The following CPQ variants were observed in gnomAD, a reference collection of about 807,000 sequenced individuals.
CPQ encodes carboxypeptidase Q, also known as Ser-Met dipeptidase.
CPQ carries 37 observed loss-of-function variants against 45.7 expected under a neutral mutation model. That is an observed-to-expected ratio of 0.81 (90% CI 0.62 to 1.07). The LOEUF (loss-of-function observed/expected upper bound fraction) is 1.07. CPQ is among the 50% of genes least tolerant of loss of function. The pLI is 0.00. For missense variants in CPQ, 537 were observed against 572.9 expected, an observed-to-expected ratio of 0.94 and a Z score of 0.64; for synonymous variants, 186 against 205.8, an observed-to-expected ratio of 0.90 and a Z score of 0.82.
chr8:96,917,017 G>T (rs577590566), intron 4 of CPQ, among the ~76,000 whole-genome samples: 1 of 152,018 alleles, frequency 6.6e-6, no homozygotes, highest in Admixed American at 6.6e-5. Context: ...TGTTCATCAG[G>T]GTTCTCTTTC....
intron 4 of CPQ, among the ~76,000 whole-genome samples, chr8:96,904,475 C>T (rs1812551055): frequency 6.6e-6 from 1 of 152,162 alleles, no homozygotes; most frequent in African/African-American, 2.4e-5. Flanking sequence ...GATCTGGGAT[C>T]TGATTGCAGC....
chr8:96,873,377 G>C (rs887656179), intron 3 of CPQ, among the ~76,000 whole-genome samples: 1 of 150,896 alleles, frequency 6.6e-6, no homozygotes, highest in Non-Finnish European at 1.5e-5. Context: ...TGTGAATTAT[G>C]GTGTAAATGA....
intron 2 of CPQ, among the ~76,000 whole-genome samples, chr8:96,786,177 C>G (rs1373011124): frequency 1.3e-5 from 2 of 152,106 alleles, no homozygotes; most frequent in Non-Finnish European, 2.9e-5. Flanking sequence ...CTGTCATTCT[C>G]CAGTCTACCT....
rs186846467 is a variant in CPQ at position 96,998,794 on chromosome 8, G to A, written c.962-30609G>A. On this transcript the variant is annotated intron_variant, in intron 5 of 7. Coordinates refer to ENST00000220763, the MANE Select transcript of CPQ (RefSeq NM_016134.4). ...ATGTTGATTTAGTTATTTGCCTGCT[G>A]TAACTTCTCATGCAGTCATTGTACT... 6.6e-5 allele frequency among the ~76,000 whole-genome samples: 10 copies of A among 152,072 alleles called. No homozygotes were observed. The East Asian group carries it at 1.5e-3, about 23-fold the overall frequency.
At chr8:96,687,085 C>T (rs538003637) in intron 1 of CPQ, among the ~76,000 whole-genome samples, 5 of 152,066 alleles carry the variant, frequency 3.3e-5, no homozygotes, top group South Asian at 2.1e-4. Flanking sequence ...GGTTTTGTTT[C>T]GTGTTATTTC....
rs182128901 is a variant in CPQ at position 96,746,300 on chromosome 8, A to G, written c.-34-38564A>G. On this transcript the variant is annotated intron_variant, in intron 1 of 7. Transcript: ENST00000220763. ...TTAATATATTAAAACCCTTAATAAT[A>G]AATTCATAGCACTTAAAATACAAAT... Among the ~76,000 whole-genome samples, 393 of 152,354 alleles carry G rather than the reference A, an allele frequency of 2.6e-3. 2 individuals are homozygous for G. The highest frequency in any genetic ancestry group is 4.0e-3 in the Non-Finnish European group (271 of 68,042).
intron 1 of CPQ, among the ~76,000 whole-genome samples, chr8:96,763,990 ATACACT>A (rs1185188769): frequency 6.6e-6 from 1 of 152,206 alleles, no homozygotes; most frequent in African/African-American, 2.4e-5. Flanking sequence ...AAAGTTAAAC[ATACACT>A]TACATGGTCC....
chr8:97,128,037 C>T (rs577445803), intron 7 of CPQ, among the ~76,000 whole-genome samples: 47 of 152,298 alleles, frequency 3.1e-4, no homozygotes, highest in Admixed American at 1.2e-3. Context: ...TGTTCATTCG[C>T]CAAAACTTGT....
intron 4 of CPQ, among the ~76,000 whole-genome samples, chr8:96,890,095 C>T (rs554898909): frequency 3.9e-5 from 6 of 152,290 alleles, no homozygotes; most frequent in East Asian, 3.9e-4. Flanking sequence ...TAATATAATA[C>T]AGCTATCTCT....
intron 1 of CPQ, among the ~76,000 whole-genome samples, chr8:96,737,647 CAAATGTT>C (rs1192023819): frequency 6.6e-6 from 1 of 152,052 alleles, no homozygotes; most frequent in African/African-American, 2.4e-5. Flanking sequence ...CCCACTGACT[CAAATGTT>C]AATCACTTTT....
rs922605906 is a variant in CPQ, at chr8:97,139,168, A to C, written c.1256-3852A>C. 5.9e-5 allele frequency among the ~76,000 whole-genome samples: 9 copies of C among 152,164 alleles called. 1 individual carries two copies. The highest frequency in any genetic ancestry group is 2.2e-4 in the African/African-American group (9 of 41,456). ...AACTGGACTTCCAGAACAAAAAGCA[A>C]CATTACAGATGAGTTTTCAATTTAC... On this transcript the variant is annotated intron_variant, in intron 7 of 7. Coordinates refer to ENST00000220763, the MANE Select transcript of CPQ (RefSeq NM_016134.4).
At chr8:96,847,446 A>G (rs917077546) in intron 3 of CPQ, among the ~76,000 whole-genome samples, 1 of 152,246 alleles carries the variant, frequency 6.6e-6, no homozygotes, top group Non-Finnish European at 1.5e-5. Context: ...TGTATGTGAT[A>G]AAATTCATTA....
chr8:97,023,559 T>C (rs1809746688), intron 5 of CPQ, among the ~76,000 whole-genome samples: 1 of 152,224 alleles, frequency 6.6e-6, no homozygotes, highest in Non-Finnish European at 1.5e-5. Flanking sequence ...TTTATGCACT[T>C]GGAGTCATAA....
Position 96,753,621 on chromosome 8 carries a change from A to C in CPQ, c.-34-31243A>C, listed in dbSNP as rs886380028. On this transcript the variant is annotated intron_variant, in intron 1 of 7. Coordinates refer to ENST00000220763, the MANE Select transcript of CPQ (RefSeq NM_016134.4). ...TTTTCTAATTATTGTTAGTATATAG[A>C]AAATTGAATCTTGAATATGTATTTT... is the stretch of plus-strand genomic sequence containing the variant. Among the ~76,000 whole-genome samples, 3 of 139,364 alleles carry C rather than the reference A, an allele frequency of 2.2e-5. No homozygotes were observed. The South Asian group carries it at 6.8e-4, about 31-fold the overall frequency. 91.4% of individuals were successfully genotyped at this position (139,364 alleles called of 152,430 possible). A position where few individuals can be genotyped will look rare whatever the true frequency, so the allele number is the denominator to read the frequency against.
chr8:96,709,156 T>A (rs1287743440), intron 1 of CPQ, among the ~76,000 whole-genome samples: 1 of 152,156 alleles, frequency 6.6e-6, no homozygotes, highest in Non-Finnish European at 1.5e-5. Flanking sequence ...TTTACATGAA[T>A]AAATTGTACA....
intron 1 of CPQ, among the ~76,000 whole-genome samples, chr8:96,689,852 A>C (rs1302761792): frequency 6.6e-6 from 1 of 152,092 alleles, no homozygotes; most frequent in Non-Finnish European, 1.5e-5. Context: ...ATCATTAAAA[A>C]ATTTTACTTT....
At chr8:96,821,126 ATTTTTTT>A (rs572906188) in intron 2 of CPQ, among the ~76,000 whole-genome samples, 155 of 60,960 alleles carry the variant, frequency 2.5e-3, no homozygotes, top group African/African-American at 0.011. Context: ...TTTAATCTGA[ATTTTTTT>A]TTTTTTTTTT....
At chr8:97,091,852 A>AT (rs1429444596) in intron 7 of CPQ, among the ~76,000 whole-genome samples, 3 of 140,442 alleles carry the variant, frequency 2.1e-5, no homozygotes, top group Non-Finnish European at 4.9e-5. Context: ...AGATGGATGG[A>AT]TAGATGGATG....
chr8:97,052,392 G>T (rs751363089), intron 6 of CPQ, among the ~76,000 whole-genome samples: 1 of 152,064 alleles, frequency 6.6e-6, no homozygotes, highest in Non-Finnish European at 1.5e-5. Flanking sequence ...CAAAATATGT[G>T]AAGCGATTGT....
Sources: allele counts gnomAD v4.1 joint callset (sites outside exome capture counted in the v4.1 genomes callset), GRCh38; gene constraint gnomAD v4.1.1; transcripts MANE v1.5; gene names NCBI Gene and HGNC (gene_info 2026-07-23, HGNC 2026-07-21).